Variants in ROR1 observed in about 807,000 individuals in gnomAD.
ROR1 encodes ROR family WNT receptor 1.
ROR1 carries 19 observed loss-of-function variants against 78.8 expected under a neutral mutation model. The ratio of observed to expected loss-of-function variants is 0.24; its 90% confidence interval spans 0.17 to 0.35. The LOEUF is 0.35. ROR1 is among the 10% of genes least tolerant of loss of function. The pLI is 1.00. For synonymous variants in ROR1, 386 were observed against 433.6 expected (o/e 0.89, Z 1.36); for missense variants, 917 against 1,177.8 (o/e 0.78, Z 3.24).
intron 4 of ROR1, among the ~76,000 whole-genome samples, chr1:64,128,814 A>T (rs1648810149): frequency 1.3e-5 from 2 of 152,152 alleles, no homozygotes; most frequent in South Asian, 4.1e-4. Flanking sequence ...GTCGGGGGGA[A>T]GTGGCAGGGC....
intron 1 of ROR1, among the ~76,000 whole-genome samples, chr1:63,853,038 G>A (rs574603751): frequency 1.3e-5 from 2 of 152,232 alleles, no homozygotes; most frequent in African/African-American, 4.8e-5. Flanking sequence ...AGACTGAGAT[G>A]TTGTATCATT....
chr1:64,049,900 G>A lies in ROR1; in HGVS notation c.373G>A (p.Asp125Asn). Residue 125 changes from aspartate (D) to asparagine (N), a missense_variant, in exon 3 of 9, where the codon GAC becomes AAC. Around this residue, in one of 3 missense-constraint regions of ROR1, gnomAD observed 835 missense variants for 1,069.8 expected, o/e 0.78. Transcript: ENST00000371079. The stretch of plus-strand genomic sequence containing the variant: ...GCGGATTAGAAACCTCGACACCACA[G>A]ACACAGGCTACTTCCAGTGCGTGGC... ...RLRIRNLDTT[D>N]TGYFQCVATN... The A allele has an allele frequency of 6.2e-7, 1 of 1,614,186 alleles. No individual in the cohort carries two copies. Among genetic ancestry groups the A allele is most frequent in the Non-Finnish European group, 8.5e-7 (1 of 1,180,026 alleles).
chr1:63,922,503 G>C lies in ROR1; in HGVS notation c.92-86802G>C, dbSNP rs916156600. Among the ~76,000 whole-genome samples the C allele has an allele frequency of 2.0e-5, 3 of 151,838 alleles. No homozygotes were observed. In the Admixed American group the frequency reaches 2.0e-4, roughly 10 times the overall value. ...GTAGATAGCATGAGTTTATGTCGAA[G>C]CCCAGGATTTTGTGCCAAACATCCG... On this transcript the variant is annotated intron_variant, in intron 1 of 8. Transcript: ENST00000371079.
chr1:63,786,256 A>ATTTTTT lies in ROR1; in HGVS notation c.91+11777_91+11782dup, dbSNP rs34933492. Among the ~76,000 whole-genome samples, 245 of 67,526 alleles carry ATTTTTT rather than the reference A, an allele frequency of 3.6e-3. 15 individuals are homozygous for ATTTTTT. Among genetic ancestry groups the ATTTTTT allele is most frequent in the Non-Finnish European group, 4.9e-3 (174 of 35,326 alleles). The allele number at this position is 67,526 out of a possible 152,430, so 44.3% of individuals were successfully genotyped here. A position where few individuals can be genotyped will look rare whatever the true frequency, so the allele number is the denominator to read the frequency against. ...CCCCCCTTACGCTGGCTACAACTTG[A>ATTTTTT]TTTTTTTTTTTTTTTTTTTTTTTTT... On this transcript the variant is annotated intron_variant, in intron 1 of 8. Coordinates refer to ENST00000371079, the MANE Select transcript of ROR1 (RefSeq NM_005012.4).
At chr1:63,943,904 C>T (rs891513907) in intron 1 of ROR1, among the ~76,000 whole-genome samples, 3 of 152,126 alleles carry the variant, frequency 2.0e-5, no homozygotes, top group Admixed American at 6.6e-5. Flanking sequence ...TTTATTCTTT[C>T]GTCTCTGTCT....
intron 8 of ROR1, among the ~76,000 whole-genome samples, chr1:64,168,571 A>G (rs939526273): frequency 1.3e-5 from 2 of 152,180 alleles, no homozygotes; most frequent in Non-Finnish European, 2.9e-5. Flanking sequence ...TGACTGACTG[A>G]TGCAACTAGC....
intron 8 of ROR1, among the ~76,000 whole-genome samples, chr1:64,168,271 TA>T (rs1650140511): frequency 6.6e-6 from 1 of 152,186 alleles, no homozygotes; most frequent in Non-Finnish European, 1.5e-5. Flanking sequence ...ATTTGTAAAA[TA>T]GGTGTGAGTC....
At chr1:64,008,950 C>T (rs2100542578) in intron 1 of ROR1, among the ~76,000 whole-genome samples, 1 of 152,174 alleles carries the variant, frequency 6.6e-6, no homozygotes, top group Middle Eastern at 3.4e-3. Flanking sequence ...TTAATGATAG[C>T]CATTCTGACT....
At chr1:63,963,239 AT>A (rs1273819095) in intron 1 of ROR1, among the ~76,000 whole-genome samples, 2 of 151,992 alleles carry the variant, frequency 1.3e-5, no homozygotes, top group African/African-American at 4.8e-5. Context: ...AAAGAGTGCT[AT>A]TTTTTTTCTC....
chr1:63,875,628 G>A (rs1557539152), intron 1 of ROR1, among the ~76,000 whole-genome samples: 1 of 152,110 alleles, frequency 6.6e-6, no homozygotes. Flanking sequence ...TTTCCCTTCA[G>A]TCTACCTTGT....
chr1:64,126,702 CTT>C (rs1162884342), intron 4 of ROR1, among the ~76,000 whole-genome samples: 1 of 152,142 alleles, frequency 6.6e-6, no homozygotes, highest in East Asian at 1.9e-4. Flanking sequence ...AGTCCGGTGA[CTT>C]TTCCACTCAG....
Sources: allele counts gnomAD v4.1 joint callset (sites outside exome capture counted in the v4.1 genomes callset), GRCh38; gene constraint gnomAD v4.1.1; regional missense constraint gnomAD v4.1.1; transcripts MANE v1.5; gene names NCBI Gene and HGNC (gene_info 2026-07-23, HGNC 2026-07-21).